Variants in RBPMS observed in about 807,000 individuals in gnomAD.
RBPMS encodes the protein RNA-binding protein with multiple splicing.
In RBPMS, 7 loss-of-function variants were observed where a neutral mutation model predicts 26.8. The observed-to-expected ratio is 0.26, with a 90% CI of 0.15 to 0.49. RBPMS has a LOEUF of 0.49. Ranked by LOEUF, RBPMS falls within the 20% of genes least tolerant of loss-of-function variation. The pLI is 0.98. For missense variants in RBPMS, 186 were observed against 250.0 expected (o/e 0.74, Z 1.73); for synonymous variants, 96 against 93.3 (o/e 1.03, Z -0.17).
Position 30,559,001 on chromosome 8 carries a change from C to T in RBPMS, c.*7+45C>T, listed in dbSNP as rs749137030. The T allele has an allele frequency of 1.9e-5, 29 of 1,515,906 alleles. No individual in the cohort carries two copies. The South Asian group carries it at 3.0e-4, about 16-fold the overall frequency. 93.9% of individuals were successfully genotyped at this position (1,515,906 alleles called of 1,614,324 possible). ...TGGAATGTGCGAAGCCCCTAGAACA[C>T]ATCTGTACATGGTGGGTGCGCCATG... is the stretch of plus-strand genomic sequence containing the variant. On this transcript the variant is annotated intron_variant, in intron 7 of 8. Coordinates refer to ENST00000397323, the MANE Select transcript of RBPMS (RefSeq NM_001008710.3).
chr8:30,528,129 C>A (rs895364502), intron 5 of RBPMS, among the ~76,000 whole-genome samples: 1 of 151,424 alleles, frequency 6.6e-6, no homozygotes, highest in African/African-American at 2.4e-5. Flanking sequence ...GAGCCGAGAT[C>A]GCGCCATTGC....
intron 1 of RBPMS, among the ~76,000 whole-genome samples, chr8:30,459,352 C>T (rs1815631085): frequency 6.6e-6 from 1 of 151,546 alleles, no homozygotes; most frequent in African/African-American, 2.4e-5. Context: ...AACTCGTGTG[C>T]TCAAGTGATC....
intron 1 of RBPMS, among the ~76,000 whole-genome samples, chr8:30,415,027 C>T (rs764499241): frequency 2.0e-5 from 3 of 152,174 alleles, no homozygotes; most frequent in Non-Finnish European, 4.4e-5. Context: ...TTGTCCCAGA[C>T]TTCTGTCCTG....
intron 5 of RBPMS, among the ~76,000 whole-genome samples, chr8:30,511,486 A>AAATATAT (rs1821657057): frequency 8.5e-5 from 2 of 23,544 alleles, no homozygotes; most frequent in African/African-American, 3.3e-4. Context: ...AAAAAAAAAA[A>AAATATAT]ATATATATAT....
intron 4 of RBPMS, among the ~76,000 whole-genome samples, chr8:30,499,147 A>T (rs528521738): frequency 6.6e-5 from 10 of 152,260 alleles, no homozygotes; most frequent in African/African-American, 2.4e-4. Flanking sequence ...AATGAAGGCA[A>T]TCCCAGCTAC....
chr8:30,559,078 C>CCAT, intron 7 of RBPMS, 122 bp downstream of exon 7: 1 of 798,288 alleles, frequency 1.3e-6, no homozygotes, highest in African/African-American at 1.7e-5. Context: ...CCTCCTTTGT[C>CCAT]CATCTTTGTT....
intron 1 of RBPMS, among the ~76,000 whole-genome samples, chr8:30,467,931 A>G (rs775395721): frequency 2.0e-5 from 3 of 152,088 alleles, no homozygotes; most frequent in Non-Finnish European, 4.4e-5. Context: ...CTATAATTCT[A>G]CCTTCCTCTC....
chr8:30,545,096 G>C, intron 6 of RBPMS: 1 of 1,342,376 alleles, frequency 7.4e-7, no homozygotes, highest in Non-Finnish European at 9.6e-7. Flanking sequence ...AAAGCTTCCA[G>C]GGGGGAAGGC....
intron 1 of RBPMS, among the ~76,000 whole-genome samples, chr8:30,461,570 AT>A (rs1312745638): frequency 1.8e-4 from 27 of 151,966 alleles, no homozygotes; most frequent in South Asian, 1.0e-3. Context: ...AATTTTTTGT[AT>A]TTTTTAGTAG....
intron 5 of RBPMS, among the ~76,000 whole-genome samples, chr8:30,540,529 G>A (rs1825272840): frequency 1.3e-5 from 2 of 152,180 alleles, no homozygotes; most frequent in Non-Finnish European, 2.9e-5. Context: ...AGGTTCGAGT[G>A]AACCTCCCAC....
intron 5 of RBPMS, among the ~76,000 whole-genome samples, chr8:30,518,829 TGACCTACACTTGATAGATG>T (rs1338635036): frequency 4.7e-5 from 7 of 150,402 alleles, no homozygotes; most frequent in Admixed American, 1.3e-4. Context: ...TAAGCCAGTA[TGACCTACACTTGATAGATG>T]GAGCAGAGAG....
chr8:30,517,239 A>T (rs1352820910), intron 5 of RBPMS, among the ~76,000 whole-genome samples: 2 of 120,438 alleles, frequency 1.7e-5, no homozygotes, highest in African/African-American at 3.3e-5. Flanking sequence ...TGTGTGTGTG[A>T]AATACCATGT....
intron 5 of RBPMS, among the ~76,000 whole-genome samples, chr8:30,532,604 T>C (rs904432353): frequency 1.3e-5 from 2 of 152,204 alleles, no homozygotes; most frequent in Non-Finnish European, 2.9e-5. Context: ...AAACACCGGT[T>C]TGACTTTCAG....
chr8:30,423,607 CCAAA>C (rs902954134), intron 1 of RBPMS, among the ~76,000 whole-genome samples: 1 of 151,334 alleles, frequency 6.6e-6, no homozygotes, highest in Non-Finnish European at 1.5e-5. Context: ...TGTCTCAGGA[CCAAA>C]CAATCTGCAG....
At chr8:30,549,736 TTC>T (rs1277604698) in intron 6 of RBPMS, 1 of 532,120 alleles carries the variant, frequency 1.9e-6, no homozygotes, top group African/African-American at 2.4e-5. Flanking sequence ...ATTTCTTTCT[TTC>T]TTTCTTTCTT....
At chr8:30,449,551 C>G (rs1814299382) in intron 1 of RBPMS, among the ~76,000 whole-genome samples, 1 of 151,954 alleles carries the variant, frequency 6.6e-6, no homozygotes, top group Non-Finnish European at 1.5e-5. Flanking sequence ...TTGTATTTTT[C>G]ATAGATACAG....
At chr8:30,541,696 T>G (rs1825406953) in intron 5 of RBPMS, among the ~76,000 whole-genome samples, 1 of 152,146 alleles carries the variant, frequency 6.6e-6, no homozygotes, top group South Asian at 2.1e-4. Context: ...CTTTGTCTTC[T>G]TTTTTCAGCC....
chr8:30,411,679 A>AG lies in RBPMS; in HGVS notation c.66+26521_66+26522insG, dbSNP rs1194604019. 2.3e-3 allele frequency among the ~76,000 whole-genome samples: 324 copies of AG among 139,218 alleles called. 12 individuals are homozygous for AG. In the East Asian group the frequency reaches 0.064, roughly 28 times the overall value. 91.3% of individuals were successfully genotyped at this position (139,218 alleles called of 152,430 possible). A position where few individuals can be genotyped will look rare whatever the true frequency, so the allele number is the denominator to read the frequency against. On this transcript the variant is annotated intron_variant, in intron 1 of 8. Transcript: ENST00000397323. ...CCCTGTCTCAGAAAAAAAAAAAAAAAAAAAAGAAAAAGGAAATGTTTAGGC... is the reference window on the plus strand; with the variant it reads ...CCCTGTCTCAGAAAAAAAAAAAAAAAGAAAAAGAAAAAGGAAATGTTTAGGC...
At chr8:30,530,512 G>T (rs1007157798) in intron 5 of RBPMS, among the ~76,000 whole-genome samples, 2 of 151,992 alleles carry the variant, frequency 1.3e-5, no homozygotes, top group Non-Finnish European at 2.9e-5. Flanking sequence ...GCCCAGGCTG[G>T]AGTGCAGTGG....
Sources: allele counts gnomAD v4.1 joint callset (sites outside exome capture counted in the v4.1 genomes callset), GRCh38; gene constraint gnomAD v4.1.1; transcripts MANE v1.5; gene names NCBI Gene and HGNC (gene_info 2026-07-23, HGNC 2026-07-21).